The following RPA3 variants were observed in gnomAD, a reference collection of about 807,000 sequenced individuals.
The protein encoded by RPA3 is replication protein A3.
In RPA3, 24 loss-of-function variants were observed where a neutral mutation model predicts 13.7. The observed-to-expected ratio is 1.75, with a 90% CI of 1.27 to 2.46. RPA3 has a LOEUF of 2.46. Ranked by LOEUF, RPA3 falls within the 30% of genes most tolerant of loss-of-function variation. RPA3 has a pLI of 0.00. For synonymous variants in RPA3, 59 were observed against 51.2 expected (o/e 1.15, Z -0.65); for missense variants, 183 against 151.0 (o/e 1.21, Z -1.11).
chr7:7,682,920 G>C (rs1202680360), intron 4 of RPA3, among the ~76,000 whole-genome samples: 3 of 152,174 alleles, frequency 2.0e-5, no homozygotes, highest in African/African-American at 7.2e-5. Flanking sequence ...AGAATTAACA[G>C]TATTTTCAGT....
At chr7:7,701,461 G>A (rs574499904) in intron 2 of RPA3, among the ~76,000 whole-genome samples, 3 of 152,214 alleles carry the variant, frequency 2.0e-5, no homozygotes, top group African/African-American at 4.8e-5. Context: ...TTTGCCATCC[G>A]TTGTTTGCTA....
chr7:7,703,535 C>G (rs867248876), intron 2 of RPA3, among the ~76,000 whole-genome samples: 1 of 152,084 alleles, frequency 6.6e-6, no homozygotes, highest in Non-Finnish European at 1.5e-5. Flanking sequence ...TATATTGAAT[C>G]CCAGAGGTCC....
chr7:7,680,098 A>G (rs530998141), intron 4 of RPA3, among the ~76,000 whole-genome samples: 41 of 152,090 alleles, frequency 2.7e-4, no homozygotes, highest in Non-Finnish European at 5.3e-4. Flanking sequence ...GTGGGGTATT[A>G]CTCAAGAAAT....
chr7:7,649,158 CAAAAAAAAAAAAA>C (rs34943326), intron 4 of RPA3, among the ~76,000 whole-genome samples: 19 of 128,874 alleles, frequency 1.5e-4, no homozygotes, highest in African/African-American at 5.2e-4. Flanking sequence ...GACTCCATCT[CAAAAAAAAAAAAA>C]AAAAAAAAGA....
chr7:7,672,419 C>T (rs183569654), intron 4 of RPA3, among the ~76,000 whole-genome samples: 39 of 152,224 alleles, frequency 2.6e-4, no homozygotes, highest in Non-Finnish European at 4.3e-4. Flanking sequence ...ATCTCACCAA[C>T]GCAAGGATTT....
intron 2 of RPA3, chr7:7,689,309 T>TGGCA (rs1780116933): frequency 6.6e-6 from 1 of 152,208 alleles, no homozygotes; most frequent in Admixed American, 6.5e-5. Flanking sequence ...GATGATGTTT[T>TGGCA]ATCTATCATT....
intron 4 of RPA3, among the ~76,000 whole-genome samples, chr7:7,669,542 T>C (rs1477308656): frequency 6.6e-6 from 1 of 152,196 alleles, no homozygotes; most frequent in East Asian, 1.9e-4. Flanking sequence ...TTTTCAGGCA[T>C]GGAGGGGATT....
At chr7:7,711,517 A>G (rs146885217) in intron 2 of RPA3, among the ~76,000 whole-genome samples, 103 of 152,314 alleles carry the variant, frequency 6.8e-4, no homozygotes, top group African/African-American at 2.4e-3. Flanking sequence ...TTTAACATGT[A>G]ATACTGTGAG....
chr7:7,663,574 TTTAAAAGAGGA>T (rs1277282023), intron 4 of RPA3, among the ~76,000 whole-genome samples: 2 of 152,088 alleles, frequency 1.3e-5, no homozygotes, highest in Non-Finnish European at 2.9e-5. Context: ...AAGGATAAAT[TTTAAAAGAGGA>T]TTAAATCAGG....
At chr7:7,704,555 A>T (rs1169960367) in intron 2 of RPA3, among the ~76,000 whole-genome samples, 2 of 149,782 alleles carry the variant, frequency 1.3e-5, no homozygotes, top group Non-Finnish European at 3.0e-5. Flanking sequence ...GGAGTTCAAG[A>T]CTAGCCTGGC....
intron 4 of RPA3, among the ~76,000 whole-genome samples, chr7:7,645,461 T>A (rs1203718961): frequency 6.6e-6 from 1 of 152,232 alleles, no homozygotes; most frequent in Non-Finnish European, 1.5e-5. Flanking sequence ...TATTTATGGT[T>A]ATCTCATAGG....
intron 4 of RPA3, among the ~76,000 whole-genome samples, chr7:7,675,915 C>G (rs1378258592): frequency 6.6e-6 from 1 of 152,186 alleles, no homozygotes; most frequent in Admixed American, 6.5e-5. Context: ...TCTGTTTAGC[C>G]TCATTTCCCC....
chr7:7,699,487 C>T (rs1173932256), intron 2 of RPA3, among the ~76,000 whole-genome samples: 2 of 151,452 alleles, frequency 1.3e-5, no homozygotes, highest in African/African-American at 4.9e-5. Context: ...AAAATAGTGG[C>T]ACCAGACTGA....
At chr7:7,666,606 A>G (rs115218344) in intron 4 of RPA3, among the ~76,000 whole-genome samples, 2,824 of 151,988 alleles carry the variant, frequency 0.019, 88 homozygotes, top group African/African-American at 0.065. Context: ...GATATGGGTC[A>G]TTTTCCTTGT....
chr7:7,638,541 AAAAACAAAAC>A (rs142839978), intron 6 of RPA3: 79,318 of 150,414 alleles, frequency 0.53, 21,841 homozygotes, highest in Non-Finnish European at 0.6. Flanking sequence ...CATCTTTACA[AAAAACAAAAC>A]AAAACAAAAC....
At chr7:7,714,209 CTT>C (rs1443375510) in intron 2 of RPA3, among the ~76,000 whole-genome samples, 1 of 152,174 alleles carries the variant, frequency 6.6e-6, no homozygotes, top group Non-Finnish European at 1.5e-5. Context: ...GCATATCAGT[CTT>C]AACTGACCTC....
At chr7:7,696,635 C>G (rs1431455250) in intron 2 of RPA3, among the ~76,000 whole-genome samples, 3 of 151,968 alleles carry the variant, frequency 2.0e-5, no homozygotes, top group Admixed American at 2.0e-4. Context: ...TTGCCAGTAG[C>G]TCTCCCTCAT....
At chr7:7,654,656 A>C (rs906316999) in intron 4 of RPA3, among the ~76,000 whole-genome samples, 1 of 152,174 alleles carries the variant, frequency 6.6e-6, no homozygotes, top group African/African-American at 2.4e-5. Flanking sequence ...TAATCCCAGC[A>C]CTTTGGGAGC....
chr7:7,643,324 C>T (rs530371364), intron 4 of RPA3, among the ~76,000 whole-genome samples: 3 of 152,320 alleles, frequency 2.0e-5, no homozygotes, highest in East Asian at 1.9e-4. Flanking sequence ...ATGTAACTCC[C>T]TAAAAACACT....
Sources: gnomAD v4.1 joint callset for allele counts (sites outside exome capture counted in the v4.1 genomes callset) on GRCh38, gnomAD v4.1.1 for gene constraint, MANE v1.5 for transcripts, NCBI Gene and HGNC (gene_info 2026-07-23, HGNC 2026-07-21) for gene names.